Variants in GABRG3 observed in about 807,000 individuals in gnomAD.
GABRG3 encodes gamma-aminobutyric acid type A receptor subunit gamma3, also known as gamma-aminobutyric acid receptor subunit gamma-3.
Under a neutral mutation model 48.8 loss-of-function variants are expected in GABRG3, and 25 were observed. That is an observed-to-expected ratio of 0.51 (90% CI 0.37 to 0.72). The LOEUF (loss-of-function observed/expected upper bound fraction) is 0.72, where lower values mean the gene tolerates loss of function less well. Among genes scored for constraint, GABRG3 ranks in the 30% least tolerant of loss-of-function variants. GABRG3 has a pLI of 0.00. For missense variants in GABRG3, 394 were observed against 577.9 expected, an observed-to-expected ratio of 0.68 and a Z score of 3.26; for synonymous variants, 227 against 217.6, an observed-to-expected ratio of 1.04 and a Z score of -0.38.
At chr15:27,449,221 C>G (rs1889036031) in intron 5 of GABRG3, among the ~76,000 whole-genome samples, 1 of 152,192 alleles carries the variant, frequency 6.6e-6, no homozygotes, top group Non-Finnish European at 1.5e-5. Context: ...TGTGCATACT[C>G]GCACTGGAAT....
chr15:27,268,743 C>T (rs1430738022), intron 3 of GABRG3, among the ~76,000 whole-genome samples: 2 of 95,526 alleles, frequency 2.1e-5, no homozygotes, highest in Admixed American at 1.9e-4. Flanking sequence ...AATATTTTAT[C>T]TCTGTGCAGT....
intron 3 of GABRG3, among the ~76,000 whole-genome samples, chr15:27,119,200 A>G (rs1253182574): frequency 1.3e-5 from 2 of 152,128 alleles, no homozygotes; most frequent in African/African-American, 2.4e-5. Context: ...CTTTCATCCA[A>G]TTACACCTCT....
intron 5 of GABRG3, chr15:27,362,879 C>G (rs1291009758): frequency 6.6e-6 from 1 of 152,196 alleles, no homozygotes; most frequent in Non-Finnish European, 1.5e-5. Context: ...ATCTGCCAAA[C>G]ATAATGCTTC....
At chr15:27,285,469 T>C (rs945673782) in intron 3 of GABRG3, among the ~76,000 whole-genome samples, 1 of 152,140 alleles carries the variant, frequency 6.6e-6, no homozygotes, top group African/African-American at 2.4e-5. Flanking sequence ...CACAAAAATT[T>C]TGTCAGAATT....
chr15:27,205,701 C>G (rs551688394), intron 3 of GABRG3, among the ~76,000 whole-genome samples: 1 of 151,426 alleles, frequency 6.6e-6, no homozygotes, highest in African/African-American at 2.4e-5. Flanking sequence ...CAGGGCTTTT[C>G]CCGGTTGGTA....
intron 3 of GABRG3, among the ~76,000 whole-genome samples, chr15:27,309,132 C>T (rs765322368): frequency 7.4e-6 from 1 of 134,640 alleles, no homozygotes; most frequent in Non-Finnish European, 1.7e-5. Flanking sequence ...ATAATGTAAA[C>T]ATAGATGTTT....
At chr15:27,234,422 A>G (rs1007178327) in intron 3 of GABRG3, among the ~76,000 whole-genome samples, 1 of 152,084 alleles carries the variant, frequency 6.6e-6, no homozygotes, top group Non-Finnish European at 1.5e-5. Context: ...TCATCTGTAC[A>G]ATGGAAATAA....
chr15:27,133,824 A>C (rs1281354156), intron 3 of GABRG3, among the ~76,000 whole-genome samples: 1 of 152,208 alleles, frequency 6.6e-6, no homozygotes, highest in Non-Finnish European at 1.5e-5. Flanking sequence ...GTTGGTGTAA[A>C]TGTCTAGGTT....
intron 3 of GABRG3, among the ~76,000 whole-genome samples, chr15:27,282,549 A>G (rs1891470607): frequency 1.3e-5 from 2 of 152,118 alleles, no homozygotes; most frequent in Non-Finnish European, 2.9e-5. Flanking sequence ...CAGTTCTAAC[A>G]TTTCCATTTG....
At chr15:27,430,284 A>G (rs1334459860) in intron 5 of GABRG3, among the ~76,000 whole-genome samples, 1 of 152,216 alleles carries the variant, frequency 6.6e-6, no homozygotes, top group African/African-American at 2.4e-5. Flanking sequence ...ATATCTTTAC[A>G]CATTCTGGAT....
intron 3 of GABRG3, among the ~76,000 whole-genome samples, chr15:27,244,580 T>C (rs780973815): frequency 2.6e-5 from 4 of 152,218 alleles, no homozygotes; most frequent in Non-Finnish European, 5.9e-5. Context: ...TATTTTTGAA[T>C]TACAATATCA....
intron 7 of GABRG3, among the ~76,000 whole-genome samples, chr15:27,524,476 C>G (rs1891229100): frequency 6.6e-6 from 1 of 151,954 alleles, no homozygotes; most frequent in African/African-American, 2.4e-5. Context: ...ATGGACTTTC[C>G]TTTGCCTTTT....
chr15:27,385,179 C>T (rs1241812342), intron 5 of GABRG3, among the ~76,000 whole-genome samples: 2 of 152,130 alleles, frequency 1.3e-5, no homozygotes, highest in African/African-American at 4.8e-5. Flanking sequence ...TTCTCAGGAG[C>T]TTGCTTCTCA....
Position 26,976,715 on chromosome 15 carries a change from G to A in GABRG3, c.54-287G>A, listed in dbSNP as rs144589472. ...GTTGCCTGCTGGTTGGCCCTCTGGT[G>A]TTGTTTACCTGCCACGTTGTCTGTA... On this transcript the variant is annotated intron_variant, in intron 1 of 9. Coordinates refer to ENST00000615808, the MANE Select transcript of GABRG3 (RefSeq NM_033223.5). The surrounding 1 kb of genome is among the most constrained non-coding windows in gnomAD (Gnocchi z 7.8). Among the ~76,000 whole-genome samples the A allele has an allele frequency of 1.2e-3, 181 of 152,286 alleles. 1 individual carries two copies. The highest frequency in any genetic ancestry group is 0.011 in the East Asian group (56 of 5,184).
At chr15:27,004,469 C>T (rs1595467233) in intron 2 of GABRG3, among the ~76,000 whole-genome samples, 4 of 150,428 alleles carry the variant, frequency 2.7e-5, no homozygotes, top group African/African-American at 7.4e-5. Flanking sequence ...CCGGACTGGG[C>T]AGCCAGGCAG....
chr15:26,997,481 A>G (rs1400982351), intron 2 of GABRG3, among the ~76,000 whole-genome samples: 2 of 152,152 alleles, frequency 1.3e-5, no homozygotes, highest in African/African-American at 2.4e-5. Context: ...CCCTTCCAAC[A>G]TTTACATTGA....
At chr15:27,487,752 A>G (rs530644990) in intron 6 of GABRG3, among the ~76,000 whole-genome samples, 16 of 152,326 alleles carry the variant, frequency 1.1e-4, no homozygotes, top group African/African-American at 3.1e-4. Context: ...GTACCATGAC[A>G]TAAGAGAGGA....
At chr15:27,023,417 A>G (rs1284562569) in intron 2 of GABRG3, among the ~76,000 whole-genome samples, 2 of 151,704 alleles carry the variant, frequency 1.3e-5, no homozygotes, top group Non-Finnish European at 2.9e-5. Flanking sequence ...CATCTCCAGA[A>G]CTCTTTTCAT....
At chr15:27,332,416 C>T (rs2140522341) in intron 5 of GABRG3, among the ~76,000 whole-genome samples, 1 of 152,222 alleles carries the variant, frequency 6.6e-6, no homozygotes, top group East Asian at 1.9e-4. Flanking sequence ...GCAGAAGAAT[C>T]CCAGCTACTT....
Sources: gnomAD v4.1 joint callset for allele counts (sites outside exome capture counted in the v4.1 genomes callset) on GRCh38, gnomAD v4.1.1 for gene constraint, Gnocchi (gnomAD v3.1) non-coding constraint, MANE v1.5 for transcripts, NCBI Gene and HGNC (gene_info 2026-07-23, HGNC 2026-07-21) for gene names.